Variants in TET3 observed in about 807,000 individuals in gnomAD.
TET3 encodes tet methylcytosine dioxygenase 3, also known as methylcytosine dioxygenase TET3.
TET3 carries 19 observed loss-of-function variants against 141.4 expected under a neutral mutation model. The observed-to-expected ratio is 0.13, with a 90% CI of 0.09 to 0.20. The LOEUF is 0.20. Ranked by LOEUF, TET3 falls within the 10% of genes least tolerant of loss-of-function variation. TET3 has a pLI of 1.00. For synonymous variants in TET3, 1,043 were observed against 980.9 expected (o/e 1.06, Z -1.18); for missense variants, 1,874 against 2,356.9 (o/e 0.80, Z 4.24).
intron 3 of TET3, among the ~76,000 whole-genome samples, chr2:74,020,012 TACAGA>T (rs1295006039): frequency 6.6e-6 from 1 of 152,228 alleles, no homozygotes; most frequent in African/African-American, 2.4e-5. Flanking sequence ...GCAGAGCTTG[TACAGA>T]ACATTGTGAG....
At chr2:74,114,476 T>G in the TET3 span, among the ~76,000 whole-genome samples, 1 of 152,128 alleles carries the variant, frequency 6.6e-6, no homozygotes, top group Non-Finnish European at 1.5e-5. Flanking sequence ...GTGAATACAC[T>G]TAATGCCATT....
chr2:74,133,911 A>C, the TET3 span, among the ~76,000 whole-genome samples: 13 of 152,004 alleles, frequency 8.6e-5, no homozygotes, highest in Admixed American at 7.2e-4. Flanking sequence ...TGCCTGGCTA[A>C]TTTTTGTATT....
At chr2:73,996,962 G>A (rs1266616776) in intron 2 of TET3, among the ~76,000 whole-genome samples, 1 of 152,246 alleles carries the variant, frequency 6.6e-6, no homozygotes, top group East Asian at 1.9e-4. Flanking sequence ...CTGGGGCACT[G>A]TTGATGGCTG....
In TET3 at chr2:74,047,397, G is replaced by A. The variant is rs371195018; in HGVS notation, c.1480G>A (p.Ala494Thr). 5 of 1,613,336 alleles carry A rather than the reference G, an allele frequency of 3.1e-6. No individual in the cohort carries two copies. Among genetic ancestry groups the A allele is most frequent in the Middle Eastern group, 1.6e-4 (1 of 6,084 alleles). ...LPTKPKVKVE[A>T]PSSSPAPAPS... The stretch of plus-strand genomic sequence containing the variant: ...TACCAAGCCCAAGGTCAAGGTGGAG[G>A]CACCCTCTTCCTCCCCGGCCCCGGC... Residue 494 changes from alanine to threonine, a missense_variant, in exon 4 of 12, where the codon GCA (alanine) becomes ACA (threonine). By Grantham distance (58) the Ala-to-Thr change is moderately conservative. Transcript: ENST00000409262.
chr2:74,008,918 C>T (rs1685286265), intron 3 of TET3, among the ~76,000 whole-genome samples: 1 of 152,180 alleles, frequency 6.6e-6, no homozygotes, highest in African/African-American at 2.4e-5. Flanking sequence ...ATTTCTCAAC[C>T]CCGCCTCCAG....
At chr2:74,013,884 A>T (rs978227315) in intron 3 of TET3, among the ~76,000 whole-genome samples, 2 of 151,998 alleles carry the variant, frequency 1.3e-5, no homozygotes, top group East Asian at 3.8e-4. Context: ...TCTCCCCTCT[A>T]CTCCCCATAA....
At position 74,103,440 on chromosome 2, in the gene TET3, G is replaced by C. The variant is rs1332809322; in HGVS notation, c.*1264G>C. On this transcript the variant is annotated 3_prime_UTR_variant, in exon 12 of 12. Coordinates refer to ENST00000409262, the MANE Select transcript of TET3 (RefSeq NM_001287491.2). The stretch of plus-strand genomic sequence containing the variant: ...TCACACCTGAGCCTGCTTCCTCCAT[G>C]CTGTCATTGGGTTCGGGGGCCTACA... The C allele has an allele frequency of 6.6e-6, 1 of 152,242 alleles. No individual in the cohort carries two copies. The highest frequency in any genetic ancestry group is 1.5e-5 in the Non-Finnish European group (1 of 68,066). 9.4% of individuals were successfully genotyped at this position (152,242 alleles called of 1,614,324 possible).
chr2:74,043,804 T>A (rs1687469284), intron 3 of TET3, among the ~76,000 whole-genome samples: 1 of 152,098 alleles, frequency 6.6e-6, no homozygotes, highest in Non-Finnish European at 1.5e-5. Flanking sequence ...CCACCACACT[T>A]AGGAGCCCAT....
intron 5 of TET3, among the ~76,000 whole-genome samples, chr2:74,075,363 C>A (rs919832473): frequency 8.6e-6 from 1 of 116,588 alleles, no homozygotes; most frequent in Non-Finnish European, 1.6e-5. Flanking sequence ...GGAATCTGCT[C>A]TGTCCTCCAG....
chr2:73,986,753 G>A, intron 2 of TET3, 47 bp downstream of exon 2: 1 of 1,227,422 alleles, frequency 8.1e-7, no homozygotes, highest in Non-Finnish European at 1.0e-6. Flanking sequence ...TCGAGGGCAC[G>A]GTGATCACGG....
At chr2:74,091,869 CT>C (rs1336565284) in intron 8 of TET3, among the ~76,000 whole-genome samples, 2 of 151,932 alleles carry the variant, frequency 1.3e-5, no homozygotes, top group African/African-American at 2.4e-5. Context: ...GGGGCTGCTG[CT>C]TCACATAGAG....
At chr2:74,091,795 T>C (rs1434533729) in intron 8 of TET3, among the ~76,000 whole-genome samples, 1 of 152,238 alleles carries the variant, frequency 6.6e-6, no homozygotes, top group Non-Finnish European at 1.5e-5. Flanking sequence ...CTTCAAGCCC[T>C]GCTTGTTTTC....
chr2:74,125,002 G>T, the TET3 span, among the ~76,000 whole-genome samples: 169 of 125,584 alleles, frequency 1.3e-3, 2 homozygotes, highest in Middle Eastern at 0.012. Context: ...ATACTACTCG[G>T]AATTTTTTTT....
At chr2:74,100,182 C>T (rs542495098) in intron 11 of TET3, among the ~76,000 whole-genome samples, 1 of 152,116 alleles carries the variant, frequency 6.6e-6, no homozygotes, top group Non-Finnish European at 1.5e-5. Flanking sequence ...CCTCCCACCC[C>T]CAGTGGGGCT....
At chr2:74,037,594 C>T (rs1437585711) in intron 3 of TET3, among the ~76,000 whole-genome samples, 1 of 152,160 alleles carries the variant, frequency 6.6e-6, no homozygotes, top group East Asian at 1.9e-4. Context: ...TCAGGAGATT[C>T]CTTTGCAGAG....
chr2:74,120,928 T>C, the TET3 span: 1 of 152,018 alleles, frequency 6.6e-6, no homozygotes, highest in Non-Finnish European at 1.5e-5. Flanking sequence ...GTCTTGAACT[T>C]TCAGATCACC....
At chr2:74,090,521 C>T (rs1205034980) in intron 8 of TET3, among the ~76,000 whole-genome samples, 5 of 152,198 alleles carry the variant, frequency 3.3e-5, no homozygotes, top group South Asian at 2.1e-4. Flanking sequence ...GGCAGTCATC[C>T]GGGCCCTTGC....
At chr2:74,114,519 T>C in the TET3 span, among the ~76,000 whole-genome samples, 5 of 152,098 alleles carry the variant, frequency 3.3e-5, no homozygotes, top group Non-Finnish European at 7.3e-5. Flanking sequence ...AATTTTATGT[T>C]CTGTATATTT....
Position 74,002,592 on chromosome 2 carries a change from G to T in TET3, c.304-518G>T, listed in dbSNP as rs1048383851. On this transcript the variant is annotated intron_variant, in intron 2 of 11. Transcript: ENST00000409262. ...ACCCTCGGCTGCGCCCCCGCCTCCC[G>T]GCTGGGCAGGTCCACCAGGCGGGGG... is the stretch of plus-strand genomic sequence containing the variant. The T allele has an allele frequency of 1.4e-4, 48 of 331,298 alleles. No homozygotes were observed. In the East Asian group the frequency reaches 2.2e-3, roughly 15 times the overall value. The allele number at this position is 331,298 out of a possible 1,614,324, so 20.5% of individuals were successfully genotyped here.
Sources: allele counts gnomAD v4.1 joint callset (sites outside exome capture counted in the v4.1 genomes callset), GRCh38; gene constraint gnomAD v4.1.1; transcripts MANE v1.5; gene names NCBI Gene and HGNC (gene_info 2026-07-23, HGNC 2026-07-21).